Variants in ATP6V0D2 observed in about 807,000 individuals in gnomAD.
ATP6V0D2 encodes the protein V-type proton ATPase subunit d 2.
A neutral mutation model predicts 40.0 loss-of-function variants in ATP6V0D2; 40 were observed. The ratio of observed to expected loss-of-function variants is 1.00; its 90% CI spans 0.78 to 1.30. The LOEUF is 1.30. Among genes scored for constraint, ATP6V0D2 ranks in the 50% most tolerant of loss-of-function variants. The pLI is 0.00. For missense variants in ATP6V0D2, 470 were observed against 423.1 expected (o/e 1.11, Z -0.97); for synonymous variants, 179 against 156.3 (o/e 1.15, Z -1.08).
chr8:86,114,404 G>T (rs558581299), intron 2 of ATP6V0D2, among the ~76,000 whole-genome samples: 1 of 152,356 alleles, frequency 6.6e-6, no homozygotes, highest in African/African-American at 2.4e-5. Flanking sequence ...GGGAGCTGCG[G>T]CTCATGCCTG....
intron 5 of ATP6V0D2, among the ~76,000 whole-genome samples, chr8:86,143,883 G>A (rs1235823342): frequency 6.6e-6 from 1 of 152,032 alleles, no homozygotes; most frequent in East Asian, 1.9e-4. Context: ...CTCTGGTGAG[G>A]GAACATTGGG....
At chr8:86,140,181 T>C (rs1347026130) in intron 3 of ATP6V0D2, among the ~76,000 whole-genome samples, 2 of 152,150 alleles carry the variant, frequency 1.3e-5, no homozygotes, top group African/African-American at 4.8e-5. Flanking sequence ...TCATTATAAT[T>C]TGGCACTAAC....
At chr8:86,140,343 T>C (rs921990886) in intron 3 of ATP6V0D2, among the ~76,000 whole-genome samples, 1 of 152,070 alleles carries the variant, frequency 6.6e-6, no homozygotes, top group African/African-American at 2.4e-5. Context: ...AAAAAAATAT[T>C]TGTGTCATCA....
chr8:86,137,003 A>T (rs552615679), intron 2 of ATP6V0D2, among the ~76,000 whole-genome samples: 1 of 152,204 alleles, frequency 6.6e-6, no homozygotes, highest in Non-Finnish European at 1.5e-5. Flanking sequence ...CCACCCTAAA[A>T]GGACACATAT....
rs972118690 is a variant in ATP6V0D2, at chr8:86,099,128, C to T, written c.130+20C>T. 16 of 1,556,566 alleles carry T rather than the reference C, an allele frequency of 1.0e-5. No homozygotes were observed. Among genetic ancestry groups the T allele is most frequent in the Non-Finnish European group, 1.3e-5 (15 of 1,159,178 alleles). ...TAGAAGGTAAGTGTAGCTCTTCTCA[C>T]CCTTTAAAAAGAAAAAAAAAAAAAT... On this transcript the variant is annotated intron_variant, in intron 1 of 7. Coordinates refer to ENST00000285393, the MANE Select transcript of ATP6V0D2 (RefSeq NM_152565.1).
intron 5 of ATP6V0D2, among the ~76,000 whole-genome samples, chr8:86,143,322 C>A (rs1172874358): frequency 6.6e-6 from 1 of 152,124 alleles, no homozygotes; most frequent in Admixed American, 6.6e-5. Flanking sequence ...AGAGAGGGTT[C>A]TTGGATCTCA....
chr8:86,153,062 C>A lies in ATP6V0D2; in HGVS notation c.*85C>A. On this transcript the variant is annotated 3_prime_UTR_variant, in exon 8 of 8. Coordinates refer to ENST00000285393, the MANE Select transcript of ATP6V0D2 (RefSeq NM_152565.1). ...AATAAAAGAAATTATGTTATATTAT[C>A]TAGACTACACAAAAGTAAGCCACAC... is the stretch of plus-strand genomic sequence containing the variant. 8.3e-7 allele frequency: 1 copy of A among 1,200,250 alleles called. No individual in the cohort carries two copies. Among genetic ancestry groups the A allele is most frequent in the Non-Finnish European group, 1.1e-6 (1 of 892,320 alleles). 74.4% of individuals were successfully genotyped at this position (1,200,250 alleles called of 1,614,324 possible).
At chr8:86,111,188 T>C (rs1192453523) in intron 1 of ATP6V0D2, among the ~76,000 whole-genome samples, 1 of 137,080 alleles carries the variant, frequency 7.3e-6, no homozygotes, top group African/African-American at 3.3e-5. Flanking sequence ...TTTTCTTTCT[T>C]TTTTTTTTTA....
chr8:86,132,835 A>G (rs1384272182), intron 2 of ATP6V0D2, among the ~76,000 whole-genome samples: 1 of 152,150 alleles, frequency 6.6e-6, no homozygotes, highest in African/African-American at 2.4e-5. Flanking sequence ...TCTTTAGTAT[A>G]GATACCCAGT....
At chr8:86,143,784 C>T (rs1163824646) in intron 5 of ATP6V0D2, among the ~76,000 whole-genome samples, 1 of 152,162 alleles carries the variant, frequency 6.6e-6, no homozygotes, top group Non-Finnish European at 1.5e-5. Context: ...TACCCAGCCC[C>T]TATTCAAGAT....
At chr8:86,119,099 A>G (rs957648962) in intron 2 of ATP6V0D2, among the ~76,000 whole-genome samples, 2 of 152,308 alleles carry the variant, frequency 1.3e-5, no homozygotes, top group African/African-American at 4.8e-5. Flanking sequence ...ATTGGGAAAC[A>G]AATCTCATAT....
At position 86,099,056 on chromosome 8, in the gene ATP6V0D2, C is replaced by A. The variant is rs753647111; in HGVS notation, c.78C>A (p.Ser26Arg). Reference sequence around the variant, plus strand: ...GCCTGGTTCGAGGATGCAAGGCCAGCCTCCTGACCCAGCAAGACTATATCA... The same window carrying A: ...GCCTGGTTCGAGGATGCAAGGCCAGACTCCTGACCCAGCAAGACTATATCA... ...LEGLVRGCKA[S>R]LLTQQDYINL... Residue 26 changes from serine (S) to arginine (R), a missense_variant, in exon 1 of 8, where the codon AGC becomes AGA. Physicochemically the swap from Ser to Arg is moderately radical, Grantham distance 110. Transcript: ENST00000285393. 3 of 1,613,882 alleles carry A rather than the reference C, an allele frequency of 1.9e-6. No homozygotes were observed. In the Admixed American group the frequency reaches 5.0e-5, roughly 27 times the overall value.
chr8:86,106,881 A>G (rs977160996), intron 1 of ATP6V0D2, among the ~76,000 whole-genome samples: 2 of 152,152 alleles, frequency 1.3e-5, no homozygotes, highest in African/African-American at 4.8e-5. Context: ...AGAGTACAAA[A>G]AAGAACAGGC....
chr8:86,132,786 A>C (rs1319356375), intron 2 of ATP6V0D2, among the ~76,000 whole-genome samples: 1 of 152,202 alleles, frequency 6.6e-6, no homozygotes, highest in Non-Finnish European at 1.5e-5. Context: ...TGCAATAAAC[A>C]TGTGAGTGCA....
intron 2 of ATP6V0D2, among the ~76,000 whole-genome samples, chr8:86,128,553 G>T (rs1399936955): frequency 2.0e-5 from 3 of 152,150 alleles, no homozygotes; most frequent in African/African-American, 7.2e-5. Context: ...TTACAGGAAA[G>T]CTGTTATCAG....
intron 1 of ATP6V0D2, among the ~76,000 whole-genome samples, chr8:86,111,860 T>C (rs1818531185): frequency 6.6e-6 from 1 of 152,210 alleles, no homozygotes; most frequent in African/African-American, 2.4e-5. Context: ...TTTTCTATGT[T>C]CCCATAAATC....
intron 2 of ATP6V0D2, among the ~76,000 whole-genome samples, chr8:86,128,253 G>A (rs1818772918): frequency 1.3e-5 from 2 of 152,188 alleles, no homozygotes; most frequent in Non-Finnish European, 2.9e-5. Flanking sequence ...GGAGGCTGAG[G>A]CAGGAGAATC....
At chr8:86,131,379 T>G (rs1365202365) in intron 2 of ATP6V0D2, among the ~76,000 whole-genome samples, 1 of 151,894 alleles carries the variant, frequency 6.6e-6, no homozygotes, top group Non-Finnish European at 1.5e-5. Flanking sequence ...TTTGTATTTT[T>G]TAGTAGAGAC....
intron 1 of ATP6V0D2, among the ~76,000 whole-genome samples, chr8:86,110,476 A>G (rs560168511): frequency 6.6e-6 from 1 of 152,244 alleles, no homozygotes; most frequent in Non-Finnish European, 1.5e-5. Flanking sequence ...GTAAAGGTTT[A>G]TTGGAAGCCA....
Sources: allele counts gnomAD v4.1 joint callset (sites outside exome capture counted in the v4.1 genomes callset), GRCh38; gene constraint gnomAD v4.1.1; transcripts MANE v1.5; gene names NCBI Gene and HGNC (gene_info 2026-07-23, HGNC 2026-07-21).